Variants in RPS6KA2 observed in about 807,000 individuals in gnomAD.
RPS6KA2 encodes ribosomal protein S6 kinase A2.
Under a neutral mutation model 91.8 loss-of-function variants are expected in RPS6KA2, and 42 were observed. The observed-to-expected ratio is 0.46, with a 90% CI of 0.36 to 0.59. RPS6KA2 has a LOEUF of 0.59. Ranked by LOEUF, RPS6KA2 falls within the 20% of genes least tolerant of loss-of-function variation. RPS6KA2 has a pLI of 0.00. For synonymous variants in RPS6KA2, 414 were observed against 393.6 expected, an observed-to-expected ratio of 1.05 and a Z score of -0.61; for missense variants, 798 against 978.5, an observed-to-expected ratio of 0.82 and a Z score of 2.46.
In RPS6KA2 at chr6:166,724,451, A is replaced by C. The variant is rs114756106; in HGVS notation, c.123+133749T>G. Among the ~76,000 whole-genome samples the C allele has an allele frequency of 1.6e-3, 242 of 151,848 alleles. 1 individual carries two copies. The highest frequency in any genetic ancestry group is 5.6e-3 in the African/African-American group (231 of 41,266). ...TTGAAAACTGATATTAAAAAAAAAA[A>C]CACCAAAATCCTTTTATACCAGACT... On this transcript the variant is annotated intron_variant, in intron 2 of 21. Transcript: ENST00000503859.
chr6:166,746,158 G>A (rs878965624), intron 2 of RPS6KA2, among the ~76,000 whole-genome samples: 9 of 152,242 alleles, frequency 5.9e-5, no homozygotes, highest in East Asian at 1.9e-4. Flanking sequence ...GCCTTGGGAC[G>A]CACACACCCA....
At chr6:166,595,102 A>C (rs1785496194) in intron 1 of RPS6KA2, among the ~76,000 whole-genome samples, 1 of 151,444 alleles carries the variant, frequency 6.6e-6, no homozygotes, top group East Asian at 1.9e-4. Flanking sequence ...TCCAGGCTGG[A>C]GTGTGATGGC....
At chr6:166,559,402 C>T (rs767679411) in intron 1 of RPS6KA2, among the ~76,000 whole-genome samples, 7 of 152,188 alleles carry the variant, frequency 4.6e-5, no homozygotes, top group South Asian at 2.1e-4. Context: ...CAGCCAAACA[C>T]GCAAACCTTC....
chr6:166,836,821 G>C (rs1780329212), intron 2 of RPS6KA2, among the ~76,000 whole-genome samples: 2 of 152,194 alleles, frequency 1.3e-5, no homozygotes. Context: ...AACAGCAAAG[G>C]CCGAGATGAC....
chr6:166,574,145 T>C (rs1784773085), intron 1 of RPS6KA2, among the ~76,000 whole-genome samples: 1 of 151,630 alleles, frequency 6.6e-6, no homozygotes, highest in Non-Finnish European at 1.5e-5. Flanking sequence ...CAAGAGGGTT[T>C]TTTAATTTTT....
At chr6:166,439,540 G>A (rs1022748871) in intron 14 of RPS6KA2, among the ~76,000 whole-genome samples, 15 of 152,248 alleles carry the variant, frequency 9.9e-5, no homozygotes, top group African/African-American at 3.6e-4. Context: ...TTGAGGTGCT[G>A]GAACTATAGC....
At chr6:166,751,426 C>T (rs771206812) in intron 2 of RPS6KA2, among the ~76,000 whole-genome samples, 3 of 152,256 alleles carry the variant, frequency 2.0e-5, no homozygotes, top group Non-Finnish European at 4.4e-5. Context: ...GTCTGCTCTG[C>T]AGCAGGAGGC....
intron 3 of RPS6KA2, among the ~76,000 whole-genome samples, chr6:166,524,351 A>T (rs1782954201): frequency 6.6e-6 from 1 of 152,140 alleles, no homozygotes; most frequent in African/African-American, 2.4e-5. Context: ...TATTTCACGT[A>T]AGCAGCTCAT....
intron 1 of RPS6KA2, among the ~76,000 whole-genome samples, chr6:166,599,598 G>C (rs1279619452): frequency 3.3e-5 from 5 of 152,190 alleles, no homozygotes; most frequent in Non-Finnish European, 7.3e-5. Flanking sequence ...TCACTTGCAG[G>C]ATGATGGGAT....
intron 2 of RPS6KA2, among the ~76,000 whole-genome samples, chr6:166,796,388 A>C (rs1050772671): frequency 7.2e-5 from 11 of 152,182 alleles, no homozygotes; most frequent in Non-Finnish European, 1.6e-4. Flanking sequence ...CAAGAGATAG[A>C]GACCATCCTG....
rs539065867 is a variant in RPS6KA2, at chr6:166,533,635, G to A, written c.217-2322C>T. 2.3e-4 allele frequency among the ~76,000 whole-genome samples: 35 copies of A among 152,308 alleles called. No individual in the cohort carries two copies. The highest frequency in any genetic ancestry group is 3.4e-3 in the Middle Eastern group (1 of 294). The stretch of plus-strand genomic sequence containing the variant: ...GAGGACACCTGGTGCAGGACAAACC[G>A]GGCAGCCTGGTCACTGAGTCACTGT... On this transcript the variant is annotated intron_variant, in intron 2 of 20. Coordinates refer to ENST00000265678, the MANE Select transcript of RPS6KA2 (RefSeq NM_021135.6). This position sits in a 1 kb window ranked among gnomAD's most constrained non-coding sequence, Gnocchi z 4.0.
At chr6:166,580,070 T>C (rs939437362) in intron 1 of RPS6KA2, among the ~76,000 whole-genome samples, 1 of 152,268 alleles carries the variant, frequency 6.6e-6, no homozygotes, top group African/African-American at 2.4e-5. Flanking sequence ...TCTGGAGTTG[T>C]TGCCCCCATC....
chr6:166,730,709 T>C (rs1353210569), intron 2 of RPS6KA2, among the ~76,000 whole-genome samples: 3 of 152,258 alleles, frequency 2.0e-5, no homozygotes, highest in South Asian at 2.1e-4. Flanking sequence ...CTAATAAATA[T>C]AGGTACAAAA....
intron 1 of RPS6KA2, among the ~76,000 whole-genome samples, chr6:166,594,500 T>C (rs1785467729): frequency 6.6e-6 from 1 of 152,200 alleles, no homozygotes; most frequent in Non-Finnish European, 1.5e-5. Context: ...TCTCGCTCTG[T>C]CGCCCAGGCT....
At chr6:166,470,900 C>T (rs1353748202) in intron 10 of RPS6KA2, among the ~76,000 whole-genome samples, 1 of 152,204 alleles carries the variant, frequency 6.6e-6, no homozygotes, top group Non-Finnish European at 1.5e-5. Context: ...TGTGTTTTCT[C>T]CAGGATGGGA....
intron 2 of RPS6KA2, among the ~76,000 whole-genome samples, chr6:166,694,734 G>T (rs1203328381): frequency 1.3e-5 from 2 of 152,204 alleles, no homozygotes; most frequent in Non-Finnish European, 2.9e-5. Context: ...TACTGTTGTT[G>T]GTGGGAAACA....
chr6:166,542,403 C>T (rs1319087710), intron 1 of RPS6KA2: 1 of 152,236 alleles, frequency 6.6e-6, no homozygotes, highest in Admixed American at 6.5e-5. Context: ...GAATCGGCTG[C>T]ATCCATGGCA....
At chr6:166,695,581 C>G (rs529675983) in intron 2 of RPS6KA2, among the ~76,000 whole-genome samples, 2 of 152,208 alleles carry the variant, frequency 1.3e-5, no homozygotes, top group Admixed American at 1.3e-4. Flanking sequence ...GGAACCAGGC[C>G]GCACAGCAGG....
chr6:166,481,522 G>C (rs1251659480), intron 10 of RPS6KA2, among the ~76,000 whole-genome samples: 1 of 152,120 alleles, frequency 6.6e-6, no homozygotes, highest in African/African-American at 2.4e-5. Flanking sequence ...AGTATGTGCT[G>C]CAGTGTGGAG....
Sources: gnomAD v4.1 joint callset for allele counts (sites outside exome capture counted in the v4.1 genomes callset) on GRCh38, gnomAD v4.1.1 for gene constraint, Gnocchi (gnomAD v3.1) non-coding constraint, MANE v1.5 for transcripts, NCBI Gene and HGNC (gene_info 2026-07-23, HGNC 2026-07-21) for gene names.